The following MID2 variants were observed in gnomAD, a reference collection of about 807,000 sequenced individuals.
MID2 encodes midline 2, also known as probable E3 ubiquitin-protein ligase MID2.
A neutral mutation model predicts 46.1 loss-of-function variants in MID2; 13 were observed. The ratio of observed to expected loss-of-function variants is 0.28; its 90% confidence interval spans 0.18 to 0.45. MID2 has a LOEUF of 0.45. Ranked by LOEUF, MID2 falls within the 20% of genes least tolerant of loss-of-function variation. The probability of loss-of-function intolerance (pLI) is 1.00; values close to 1 mark genes in which losing one functional copy is unlikely to be tolerated. For missense variants in MID2, 431 were observed against 575.4 expected (o/e 0.75, Z 2.57); for synonymous variants, 199 against 212.3 (o/e 0.94, Z 0.55).
At chrX:107,855,330 A>G (rs1384347162) in intron 3 of MID2, among the ~76,000 whole-genome samples, 1 of 112,235 alleles carries the variant, frequency 8.9e-6, no homozygotes, top group Non-Finnish European at 1.9e-5. Flanking sequence ...ATCAAATCTT[A>G]GAGCAGAGCT....
At chrX:107,917,124 A>G (rs754312319) in intron 6 of MID2, among the ~76,000 whole-genome samples, 1 of 111,016 alleles carries the variant, frequency 9.0e-6, no homozygotes, top group East Asian at 2.8e-4. Flanking sequence ...CTGGGCAACA[A>G]GAGCAAAAAT....
At chrX:107,917,850 T>G (rs1344630590) in intron 7 of MID2, 111 bp downstream of exon 7, 2 of 657,158 alleles carry the variant, frequency 3.0e-6, no homozygotes, top group Non-Finnish European at 4.7e-6. Flanking sequence ...AAGTTGTATA[T>G]TTCCTTGCTG....
chrX:107,917,783 C>G (rs1394191774), intron 7 of MID2, 44 bp downstream of exon 7: 1 of 1,122,951 alleles, frequency 8.9e-7, no homozygotes, highest in South Asian at 1.9e-5. Flanking sequence ...TATAGTGTTT[C>G]ATAGACAGTG....
In MID2 at chrX:107,930,133, C is replaced by T. The variant is rs1212719212; in HGVS notation, c.*3060C>T. Among the ~76,000 whole-genome samples the T allele has an allele frequency of 1.8e-5, 2 of 111,585 alleles. No homozygotes were observed. The highest frequency in any genetic ancestry group is 6.5e-5 in the African/African-American group (2 of 30,698). On this transcript the variant is annotated 3_prime_UTR_variant, in exon 10 of 10. Transcript: ENST00000262843. ...TTGTTGTTATATTGTTAATACCTGG[C>T]ACAGTGCTTGGAACATTAGCTTGGC...
chrX:107,833,411 T>A (rs1176143922), intron 1 of MID2, among the ~76,000 whole-genome samples: 1 of 93,948 alleles, frequency 1.1e-5, no homozygotes, highest in African/African-American at 5.1e-5. Context: ...AATGTTTATT[T>A]TATATATATA....
rs748663169 is a variant in MID2 at position 107,840,620 on chromosome X, C to A, written c.5-50C>A. On this transcript the variant is annotated intron_variant, in intron 1 of 9. Coordinates refer to ENST00000262843, the MANE Select transcript of MID2 (RefSeq NM_012216.4). Reference sequence around the variant, plus strand: ...TGGTTAGTGTATAATTGTGTTATATCCATTTTCCTTTGGAAATGCCTAATG... The same window carrying A: ...TGGTTAGTGTATAATTGTGTTATATACATTTTCCTTTGGAAATGCCTAATG... The A allele has an allele frequency of 2.6e-5, 26 of 988,461 alleles. No individual in the cohort carries two copies. The Admixed American group carries it at 5.9e-4, about 23-fold the overall frequency. The allele number at this position is 988,461 out of a possible 1,213,427, so 81.5% of individuals were successfully genotyped here.
intron 2 of MID2, among the ~76,000 whole-genome samples, chrX:107,844,557 T>G (rs1386576402): frequency 1.8e-5 from 2 of 111,430 alleles, no homozygotes; most frequent in African/African-American, 3.3e-5. Flanking sequence ...TATAAAAGAT[T>G]GTTGTTATCG....
intron 2 of MID2, among the ~76,000 whole-genome samples, chrX:107,852,921 T>G (rs958287553): frequency 4.5e-5 from 5 of 111,456 alleles, no homozygotes; most frequent in African/African-American, 1.6e-4. Flanking sequence ...GCACTTAACA[T>G]GACTGAGGGA....
At chrX:107,926,440 C>A in intron 9 of MID2, 139 bp downstream of exon 9, 1 of 656,665 alleles carries the variant, frequency 1.5e-6, no homozygotes, top group Non-Finnish European at 2.2e-6. Context: ...GAAAAATTTG[C>A]CAGCTTTTTA....
At chrX:107,900,577 T>C (rs928075503) in intron 3 of MID2, among the ~76,000 whole-genome samples, 5 of 111,336 alleles carry the variant, frequency 4.5e-5, no homozygotes, top group Non-Finnish European at 9.4e-5. Flanking sequence ...CTGTGGTACT[T>C]CTCGCACCAC....
intron 3 of MID2, among the ~76,000 whole-genome samples, chrX:107,899,096 G>A (rs1932770862): frequency 9.1e-6 from 1 of 109,401 alleles, no homozygotes; most frequent in Admixed American, 9.9e-5. Flanking sequence ...GTGGGAGTGG[G>A]TTGGAGGGAA....
chrX:107,850,271 A>G (rs1931583977), intron 2 of MID2, among the ~76,000 whole-genome samples: 1 of 111,359 alleles, frequency 9.0e-6, no homozygotes, highest in Non-Finnish European at 1.9e-5. Context: ...GGCCAAATCA[A>G]TCAAATTATT....
intron 3 of MID2, among the ~76,000 whole-genome samples, chrX:107,871,665 A>G (rs1932071865): frequency 9.0e-6 from 1 of 111,018 alleles, no homozygotes; most frequent in Non-Finnish European, 1.9e-5. Context: ...CTCAGCAGGA[A>G]GGGGAGCTGG....
chrX:107,926,862 C>CT lies in MID2; in HGVS notation c.2000dup (p.Tyr668LeufsTer2). 8.3e-7 allele frequency: 1 copy of CT among 1,210,688 alleles called. No homozygotes were observed. ...CTGGATTATGACAACAATATGCTGT[C>CT]TTTCTATGACCCAGCTAACTCTCTC... On this transcript the variant is annotated frameshift_variant, in exon 10 of 10. Transcript: ENST00000262843. LOFTEE classifies it high-confidence loss of function.
intron 5 of MID2, 36 bp from the exon 6 acceptor site, chrX:107,915,966 T>C: frequency 8.6e-7 from 1 of 1,168,857 alleles, no homozygotes; most frequent in Non-Finnish European, 1.1e-6. Context: ...TTGCAACCTA[T>C]TTTGATGTAT....
intron 2 of MID2, among the ~76,000 whole-genome samples, chrX:107,846,842 A>G (rs1931495002): frequency 8.9e-6 from 1 of 111,903 alleles, no homozygotes; most frequent in African/African-American, 3.3e-5. Context: ...CCAATATTTG[A>G]AAGGAGCTAA....
chrX:107,859,125 T>A (rs1258843670), intron 3 of MID2, among the ~76,000 whole-genome samples: 1 of 111,902 alleles, frequency 8.9e-6, no homozygotes, highest in Non-Finnish European at 1.9e-5. Context: ...TGGAAGGATA[T>A]TTAGTTTGGG....
At chrX:107,851,638 T>C (rs1212902930) in intron 2 of MID2, among the ~76,000 whole-genome samples, 1 of 109,692 alleles carries the variant, frequency 9.1e-6, no homozygotes, top group Non-Finnish European at 1.9e-5. Flanking sequence ...CAGCTTTTGG[T>C]AAGTCCTCAG....
chrX:107,879,931 G>GT (rs777072645), intron 3 of MID2, among the ~76,000 whole-genome samples: 3 of 108,590 alleles, frequency 2.8e-5, no homozygotes, highest in African/African-American at 1.0e-4. Context: ...TGTATTGATG[G>GT]TTTTTTTCTA....
Sources: allele counts gnomAD v4.1 joint callset (sites outside exome capture counted in the v4.1 genomes callset), GRCh38; gene constraint gnomAD v4.1.1; transcripts MANE v1.5; gene names NCBI Gene and HGNC (gene_info 2026-07-23, HGNC 2026-07-21).